GKAP1: variants seen among roughly 807,000 people sequenced by gnomAD.
GKAP1 encodes G kinase-anchoring protein 1.
Under a neutral mutation model 56.7 loss-of-function variants are expected in GKAP1, and 31 were observed. The ratio of observed to expected loss-of-function variants is 0.55; its 90% confidence interval spans 0.41 to 0.74. GKAP1 has a LOEUF of 0.74. Ranked by LOEUF, GKAP1 falls within the 30% of genes least tolerant of loss-of-function variation. The probability of loss-of-function intolerance (pLI) is 0.00; values close to 1 mark genes in which losing one functional copy is unlikely to be tolerated. For missense variants in GKAP1, 364 were observed against 402.3 expected (o/e 0.90, Z 0.82); for synonymous variants, 151 against 138.6 (o/e 1.09, Z -0.63).
At position 83,794,341 on chromosome 9, in the gene GKAP1, A is replaced by G. The variant is rs536130846; in HGVS notation, c.360+4844T>C. Among the ~76,000 whole-genome samples the G allele has an allele frequency of 3.3e-5, 5 of 152,308 alleles. No homozygotes were observed. The East Asian group carries it at 9.6e-4, about 29-fold the overall frequency. ...CATAAAAGTGATTAATTTTGTTGCT[A>G]AAGAGCCAAAAATACAATGGATTTA... On this transcript the variant is annotated intron_variant, in intron 4 of 12. Coordinates refer to ENST00000376371, the MANE Select transcript of GKAP1 (RefSeq NM_025211.4).
chr9:83,798,076 T>C (rs929546499), intron 4 of GKAP1, among the ~76,000 whole-genome samples: 2 of 152,208 alleles, frequency 1.3e-5, no homozygotes, highest in Non-Finnish European at 2.9e-5. Context: ...CTCATAATCA[T>C]GAGCCTGAGG....
At chr9:83,767,825 T>C (rs947375154) in intron 8 of GKAP1, among the ~76,000 whole-genome samples, 1 of 152,122 alleles carries the variant, frequency 6.6e-6, no homozygotes, top group East Asian at 1.9e-4. Flanking sequence ...TAGCTGAGAT[T>C]ATAGGCATGT....
chr9:83,774,471 C>CA (rs1337493428), intron 7 of GKAP1, among the ~76,000 whole-genome samples: 2 of 150,336 alleles, frequency 1.3e-5, no homozygotes, highest in Admixed American at 1.3e-4. Context: ...GGAGTGGTGG[C>CA]ATGTGCCTGT....
At position 83,781,892 on chromosome 9, in the gene GKAP1, G is replaced by C. The variant is rs545575672; in HGVS notation, c.563-1488C>G. 3.4e-5 allele frequency among the ~76,000 whole-genome samples: 5 copies of C among 147,026 alleles called. No homozygotes were observed. The East Asian group carries it at 1.0e-3, about 29-fold the overall frequency. On this transcript the variant is annotated intron_variant, in intron 6 of 12. Coordinates refer to ENST00000376371, the MANE Select transcript of GKAP1 (RefSeq NM_025211.4). The stretch of plus-strand genomic sequence containing the variant: ...GGAGTCTCACCCTGTCGCCCAGGCT[G>C]GAGTGCAGCGGTACGATCTCGGCTC...
chr9:83,802,840 A>T (rs896903329), intron 3 of GKAP1, among the ~76,000 whole-genome samples: 1 of 152,008 alleles, frequency 6.6e-6, no homozygotes, highest in Non-Finnish European at 1.5e-5. Flanking sequence ...TTAAAAAAAA[A>T]AAATAAAAGA....
At chr9:83,786,113 T>C (rs1419305348) in intron 5 of GKAP1, among the ~76,000 whole-genome samples, 8 of 152,174 alleles carry the variant, frequency 5.3e-5, no homozygotes, top group African/African-American at 1.9e-4. Context: ...AAAAGCCTTC[T>C]ATTATTCTGA....
intron 9 of GKAP1, among the ~76,000 whole-genome samples, chr9:83,751,961 C>T (rs1048589826): frequency 6.6e-6 from 1 of 152,082 alleles, no homozygotes; most frequent in Non-Finnish European, 1.5e-5. Flanking sequence ...CAATTCCACT[C>T]TTAGGTATGT....
chr9:83,804,096 GCA>G (rs1944383675), intron 3 of GKAP1, among the ~76,000 whole-genome samples: 1 of 148,640 alleles, frequency 6.7e-6, no homozygotes, highest in African/African-American at 2.5e-5. Context: ...TCTCCGCCCG[GCA>G]GCCGCCCCGT....
intron 2 of GKAP1, among the ~76,000 whole-genome samples, chr9:83,807,623 A>G (rs1179301227): frequency 1.3e-5 from 2 of 152,230 alleles, no homozygotes; most frequent in East Asian, 1.9e-4. Flanking sequence ...CCAGCCAGAG[A>G]TAACAAGTAT....
At chr9:83,794,803 C>A (rs10453251) in intron 4 of GKAP1, among the ~76,000 whole-genome samples, 85,772 of 152,030 alleles carry the variant, frequency 0.56, 24,796 homozygotes, top group Admixed American at 0.7. Context: ...AGATTTATTC[C>A]TAGGCAACAG....
chr9:83,799,386 AT>A (rs1429329409), intron 3 of GKAP1, 58 bp from the exon 4 acceptor site: 2 of 1,207,702 alleles, frequency 1.7e-6, no homozygotes, highest in Non-Finnish European at 2.3e-6. Context: ...GATACTAATG[AT>A]TTTTTTAATT....
chr9:83,771,455 T>C (rs535931022), intron 7 of GKAP1, among the ~76,000 whole-genome samples: 37 of 152,218 alleles, frequency 2.4e-4, no homozygotes, highest in Non-Finnish European at 4.1e-4. Flanking sequence ...TAATTATTCA[T>C]ACTTTTCACT....
At chr9:83,794,936 A>T (rs55881223) in intron 4 of GKAP1, among the ~76,000 whole-genome samples, 83,008 of 151,780 alleles carry the variant, frequency 0.55, 23,614 homozygotes, top group Admixed American at 0.69. Context: ...GGGGAGGATC[A>T]TCTGAGGTCA....
rs201389987 is a variant in GKAP1 at position 83,753,379 on chromosome 9, A to C, written c.739-20T>G. 82 of 1,376,760 alleles carry C rather than the reference A, an allele frequency of 6.0e-5. No individual in the cohort carries two copies. The highest frequency in any genetic ancestry group is 7.6e-5 in the Non-Finnish European group (74 of 967,512). The allele number at this position is 1,376,760 out of a possible 1,614,324, so 85.3% of individuals were successfully genotyped here. On this transcript the variant is annotated intron_variant, in intron 8 of 12. Coordinates refer to ENST00000376371, the MANE Select transcript of GKAP1 (RefSeq NM_025211.4). ...CACTTCCTGAAAAGAGAGAAACAAC[A>C]CTTTAGGACTTTGATTATTCCGCTA...
intron 3 of GKAP1, among the ~76,000 whole-genome samples, chr9:83,804,705 C>A (rs981797039): frequency 1.5e-4 from 23 of 149,684 alleles, no homozygotes; most frequent in Admixed American, 2.0e-4. Context: ...GCCAGCCGCC[C>A]CGTACGGGAG....
intron 2 of GKAP1, among the ~76,000 whole-genome samples, chr9:83,816,031 C>CAAAAAAA (rs72114457): frequency 2.2e-5 from 2 of 91,438 alleles, no homozygotes; most frequent in African/African-American, 3.9e-5. Flanking sequence ...ATTAAAAATA[C>CAAAAAAA]AAAAAAAAAA....
intron 2 of GKAP1, among the ~76,000 whole-genome samples, chr9:83,815,366 C>T (rs1944567902): frequency 1.3e-5 from 2 of 151,580 alleles, no homozygotes; most frequent in South Asian, 4.2e-4. Flanking sequence ...CCAGCCTCGG[C>T]CTCCCAAAGG....
chr9:83,798,615 C>G (rs751863550), intron 4 of GKAP1, among the ~76,000 whole-genome samples: 3 of 152,156 alleles, frequency 2.0e-5, no homozygotes, highest in Non-Finnish European at 2.9e-5. Context: ...CTCCTGAGCT[C>G]TGATCTTCCC....
chr9:83,804,683 GC>G (rs1204139462), intron 3 of GKAP1, among the ~76,000 whole-genome samples: 1 of 137,466 alleles, frequency 7.3e-6, no homozygotes, highest in Non-Finnish European at 1.6e-5. Context: ...GGGGGGTCCA[GC>G]CCCCCGCCCG....
Sources: gnomAD v4.1 joint callset for allele counts (sites outside exome capture counted in the v4.1 genomes callset) on GRCh38, gnomAD v4.1.1 for gene constraint, MANE v1.5 for transcripts, NCBI Gene and HGNC (gene_info 2026-07-23, HGNC 2026-07-21) for gene names.